ANKS1B: variants seen among roughly 807,000 people sequenced by gnomAD.
ANKS1B encodes the protein ankyrin repeat and sterile alpha motif domain-containing protein 1B.
Under a neutral mutation model 148.3 loss-of-function variants are expected in ANKS1B, and 36 were observed. The observed-to-expected ratio is 0.24, with a 90% CI of 0.19 to 0.32. ANKS1B has a LOEUF of 0.32. Ranked by LOEUF, ANKS1B falls within the 10% of genes least tolerant of loss-of-function variation. The pLI is 1.00. For missense variants in ANKS1B, 1,157 were observed against 1,542.6 expected (o/e 0.75, Z 4.19); for synonymous variants, 542 against 560.8 (o/e 0.97, Z 0.47).
In ANKS1B at chr12:99,806,428, C is replaced by G. The variant is rs2067650381; in HGVS notation, c.645G>C (p.Glu215Asp). 1 of 1,613,820 alleles carries G rather than the reference C, an allele frequency of 6.2e-7. No individual in the cohort carries two copies. The highest frequency in any genetic ancestry group is 1.3e-5 in the African/African-American group (1 of 74,950). The change falls in exon 4 of 27, where the codon GAG becomes GAC. Residue 215 changes from glutamate to aspartate, a missense_variant. Coordinates refer to ENST00000683438, the MANE Select transcript of ANKS1B (RefSeq NM_001352186.2). ...GHKAVVQVLL[E>D]AGMDVSCQTE... ...CTTGACAGCTCACATCCATTCCTGC[C>G]TCCAGCAGCACCTGCACGACTGCTT... is the stretch of plus-strand genomic sequence containing the variant.
chr12:99,669,314 G>A (rs1352310535), intron 8 of ANKS1B, among the ~76,000 whole-genome samples: 1 of 152,176 alleles, frequency 6.6e-6, no homozygotes, highest in Non-Finnish European at 1.5e-5. Flanking sequence ...GGGACTACAG[G>A]AATGTCCCAC....
At chr12:99,886,888 T>C (rs1371487732) in intron 1 of ANKS1B, among the ~76,000 whole-genome samples, 3 of 152,210 alleles carry the variant, frequency 2.0e-5, no homozygotes, top group Non-Finnish European at 1.5e-5. Flanking sequence ...AGATGTGACA[T>C]TTAAGAAACT....
At chr12:98,743,023 T>C (rs1460718373), downstream of ANKS1B, among the ~76,000 whole-genome samples, 1 of 152,252 alleles carries the variant, frequency 6.6e-6, no homozygotes, top group Non-Finnish European at 1.5e-5. Context: ...AAAAGTCTTC[T>C]TCCTACGGAT....
intron 1 of ANKS1B, among the ~76,000 whole-genome samples, chr12:99,869,704 G>A (rs1347592456): frequency 1.3e-5 from 2 of 150,380 alleles, no homozygotes; most frequent in African/African-American, 2.4e-5. Context: ...AAATTGTACT[G>A]CAGAGCCACA....
Position 99,405,229 on chromosome 12 carries a change from A to G in ANKS1B, c.1576-5418T>C, listed in dbSNP as rs2094503777. On this transcript the variant is annotated intron_variant, in intron 11 of 26. Transcript: ENST00000683438. ...ATCTGAAGGTACATAACTCATGAGT[A>G]AAAAAAACACAGAATAGTATAACAC... is the stretch of plus-strand genomic sequence containing the variant. Among the ~76,000 whole-genome samples, 4 of 145,598 alleles carry G rather than the reference A, an allele frequency of 2.7e-5. No individual in the cohort carries two copies. In the South Asian group the frequency reaches 8.4e-4, roughly 31 times the overall value.
intron 15 of ANKS1B, among the ~76,000 whole-genome samples, chr12:99,103,721 G>C (rs1012816032): frequency 3.3e-5 from 5 of 152,018 alleles, no homozygotes; most frequent in Admixed American, 2.0e-4. Flanking sequence ...TTAAGGGCAA[G>C]TAAATGTTTT....
rs1020474041 is a variant in ANKS1B at position 99,467,242 on chromosome 12, C to T, written c.1439-23433G>A. Reference sequence around the variant, plus strand: ...AGGCCTTTGACAAAATTCAACAATGCTTCATTCTAAAAACTCTCAATAAAT... The same window carrying T: ...AGGCCTTTGACAAAATTCAACAATGTTTCATTCTAAAAACTCTCAATAAAT... On this transcript the variant is annotated intron_variant, in intron 10 of 26. Coordinates refer to ENST00000683438, the MANE Select transcript of ANKS1B (RefSeq NM_001352186.2). 7.2e-5 allele frequency among the ~76,000 whole-genome samples: 11 copies of T among 152,204 alleles called. No homozygotes were observed. The South Asian group carries it at 1.7e-3, about 23-fold the overall frequency.
At chr12:99,434,369 C>T (rs1488654219) in intron 11 of ANKS1B, among the ~76,000 whole-genome samples, 1 of 151,988 alleles carries the variant, frequency 6.6e-6, no homozygotes, top group Non-Finnish European at 1.5e-5. Context: ...TATTTAATTA[C>T]ACAATAAATT....
intron 9 of ANKS1B, among the ~76,000 whole-genome samples, chr12:99,543,570 C>T (rs1486596897): frequency 6.6e-6 from 1 of 151,940 alleles, no homozygotes; most frequent in Admixed American, 6.6e-5. Flanking sequence ...GGGTGAACAA[C>T]CCAAATGCCT....
At chr12:99,035,553 G>C (rs1399422427) in intron 17 of ANKS1B, among the ~76,000 whole-genome samples, 2 of 152,252 alleles carry the variant, frequency 1.3e-5, no homozygotes, top group Non-Finnish European at 2.9e-5. Flanking sequence ...TCTTCATCCT[G>C]AAGGCTCCCA....
chr12:98,783,511 A>G (rs1021410946), intron 22 of ANKS1B, among the ~76,000 whole-genome samples: 1 of 152,214 alleles, frequency 6.6e-6, no homozygotes, highest in African/African-American at 2.4e-5. Context: ...CCTCCAGGAT[A>G]GTGAATAAAA....
chr12:99,624,924 G>C (rs573468390), intron 9 of ANKS1B, among the ~76,000 whole-genome samples: 1 of 151,872 alleles, frequency 6.6e-6, no homozygotes, highest in Admixed American at 6.6e-5. Context: ...TAAATTGCTC[G>C]ACCAAAAAGA....
At chr12:98,763,724 T>TGAG (rs1432516136) in intron 25 of ANKS1B, among the ~76,000 whole-genome samples, 1 of 152,246 alleles carries the variant, frequency 6.6e-6, no homozygotes, top group African/African-American at 2.4e-5. Context: ...GAATACTTTA[T>TGAG]GAGTCTAAAA....
At chr12:98,901,757 A>C (rs1396989525) in intron 17 of ANKS1B, among the ~76,000 whole-genome samples, 1 of 152,198 alleles carries the variant, frequency 6.6e-6, no homozygotes, top group East Asian at 1.9e-4. Context: ...CTCTCAATGG[A>C]ATCAAGGAGT....
chr12:99,614,723 C>T (rs2097936619), intron 9 of ANKS1B, among the ~76,000 whole-genome samples: 1 of 151,922 alleles, frequency 6.6e-6, no homozygotes, highest in South Asian at 2.1e-4. Flanking sequence ...TATGTTTATA[C>T]TGAACCAAAT....
intron 17 of ANKS1B, among the ~76,000 whole-genome samples, chr12:98,926,081 C>T (rs1160549102): frequency 2.0e-5 from 3 of 152,066 alleles, no homozygotes; most frequent in Non-Finnish European, 4.4e-5. Context: ...CCAGAAAAGA[C>T]CTGAGAAGCC....
intron 12 of ANKS1B, among the ~76,000 whole-genome samples, chr12:99,258,137 T>C (rs1006105148): frequency 1.3e-5 from 2 of 152,230 alleles, no homozygotes; most frequent in African/African-American, 4.8e-5. Context: ...ATCAAAAGTT[T>C]TTAACGTGAC....
At chr12:99,362,417 T>C (rs1394603606) in intron 12 of ANKS1B, among the ~76,000 whole-genome samples, 1 of 151,958 alleles carries the variant, frequency 6.6e-6, no homozygotes, top group Non-Finnish European at 1.5e-5. Flanking sequence ...TTTAGAAACA[T>C]AAAATACATT....
chr12:99,963,168 C>T (rs1206949072), intron 1 of ANKS1B, among the ~76,000 whole-genome samples: 3 of 152,254 alleles, frequency 2.0e-5, no homozygotes, highest in African/African-American at 4.8e-5. Context: ...TTTTGAGAAG[C>T]GTCTGTTCAT....
Sources: gnomAD v4.1 joint callset for allele counts (sites outside exome capture counted in the v4.1 genomes callset) on GRCh38, gnomAD v4.1.1 for gene constraint, MANE v1.5 for transcripts, NCBI Gene and HGNC (gene_info 2026-07-23, HGNC 2026-07-21) for gene names.